RGS7: variants seen among roughly 807,000 people sequenced by gnomAD.
RGS7 encodes regulator of G-protein signaling 7.
RGS7 carries 27 observed loss-of-function variants against 81.1 expected under a neutral mutation model. The ratio of observed to expected loss-of-function variants is 0.33; its 90% CI spans 0.25 to 0.46. The LOEUF (loss-of-function observed/expected upper bound fraction) is 0.46. Ranked by LOEUF, RGS7 falls within the 20% of genes least tolerant of loss-of-function variation. The pLI is 1.00. For missense variants in RGS7, 396 were observed against 607.4 expected, an observed-to-expected ratio of 0.65 and a Z score of 3.66; for synonymous variants, 208 against 207.7, an observed-to-expected ratio of 1.00 and a Z score of -0.01.
chr1:241,303,424 T>C (rs1391612960), intron 2 of RGS7, among the ~76,000 whole-genome samples: 1 of 152,094 alleles, frequency 6.6e-6, no homozygotes, highest in African/African-American at 2.4e-5. Context: ...GAACTGTGAG[T>C]CAATTAAACC....
intron 2 of RGS7, among the ~76,000 whole-genome samples, chr1:241,161,709 T>C (rs2069690446): frequency 6.8e-6 from 1 of 147,202 alleles, no homozygotes; most frequent in Non-Finnish European, 1.5e-5. Flanking sequence ...TAATCATAAC[T>C]GTTTTATTGC....
At chr1:241,262,409 C>T (rs939287397) in intron 2 of RGS7, among the ~76,000 whole-genome samples, 16 of 152,190 alleles carry the variant, frequency 1.1e-4, no homozygotes, top group Admixed American at 1.0e-3. Flanking sequence ...ATATCCAAGG[C>T]AGCAACAGCT....
intron 2 of RGS7, among the ~76,000 whole-genome samples, chr1:241,291,141 C>T (rs915273488): frequency 3.3e-5 from 5 of 152,142 alleles, no homozygotes; most frequent in African/African-American, 4.8e-5. Context: ...CAAAGCCAGG[C>T]AGGATATACA....
intron 2 of RGS7, among the ~76,000 whole-genome samples, chr1:241,310,414 TGTGTGA>T (rs1193516814): frequency 6.7e-6 from 1 of 150,268 alleles, no homozygotes; most frequent in African/African-American, 2.5e-5. Context: ...TGTGTCTGTG[TGTGTGA>T]GAGTGTATGT....
intron 2 of RGS7, among the ~76,000 whole-genome samples, chr1:241,114,924 A>T (rs759021985): frequency 2.0e-5 from 3 of 152,308 alleles, no homozygotes; most frequent in African/African-American, 7.2e-5. Flanking sequence ...GCTGATCTTC[A>T]TTACAGATTG....
At chr1:240,977,075 T>C (rs1684222040) in intron 4 of RGS7, among the ~76,000 whole-genome samples, 1 of 144,770 alleles carries the variant, frequency 6.9e-6, no homozygotes. Flanking sequence ...TCATCTATCA[T>C]CTATCTATCC....
intron 2 of RGS7, among the ~76,000 whole-genome samples, chr1:241,200,805 C>T (rs970964229): frequency 1.3e-5 from 2 of 152,162 alleles, no homozygotes; most frequent in African/African-American, 4.8e-5. Context: ...TTCTGTTCTG[C>T]CCCCAACTCT....
Position 240,980,491 on chromosome 1 carries a change from T to C in RGS7, c.226+2588A>G, listed in dbSNP as rs568157154. On this transcript the variant is annotated intron_variant, in intron 4 of 18. Transcript: ENST00000440928. ...AGACAGAAACTAGGCATGGGTTTCTTTCTTATTTTAAAACATCTTCAGGGA... is the reference window on the plus strand; with the variant it reads ...AGACAGAAACTAGGCATGGGTTTCTCTCTTATTTTAAAACATCTTCAGGGA... Among the ~76,000 whole-genome samples, 9 of 152,314 alleles carry C rather than the reference T, an allele frequency of 5.9e-5. No individual in the cohort carries two copies. The South Asian group carries it at 1.9e-3, about 32-fold the overall frequency.
At chr1:241,054,298 G>A (rs146641938) in intron 3 of RGS7, among the ~76,000 whole-genome samples, 427 of 152,260 alleles carry the variant, frequency 2.8e-3, no homozygotes, top group Non-Finnish European at 4.5e-3. Flanking sequence ...ACTGAGAGAT[G>A]GCTTTGTCCA....
chr1:241,119,282 G>T (rs1264881072), intron 2 of RGS7, among the ~76,000 whole-genome samples: 1 of 152,128 alleles, frequency 6.6e-6, no homozygotes, highest in African/African-American at 2.4e-5. Flanking sequence ...AAGACAGCTG[G>T]ATTTTCACAT....
chr1:240,951,839 T>C (rs1679616142), intron 4 of RGS7, among the ~76,000 whole-genome samples: 1 of 152,050 alleles, frequency 6.6e-6, no homozygotes, highest in Non-Finnish European at 1.5e-5. Flanking sequence ...TCTACACATA[T>C]CTTATTCTAA....
chr1:241,077,633 T>C (rs1226162034), intron 3 of RGS7, among the ~76,000 whole-genome samples: 1 of 152,224 alleles, frequency 6.6e-6, no homozygotes, highest in East Asian at 1.9e-4. Flanking sequence ...CCTCCAGCGA[T>C]TGCTCTCTGT....
chr1:241,339,958 G>C (rs991587501), intron 2 of RGS7, among the ~76,000 whole-genome samples: 2 of 152,282 alleles, frequency 1.3e-5, no homozygotes, highest in East Asian at 1.9e-4. Flanking sequence ...AATTGACAGT[G>C]AGCTTTGAGT....
chr1:240,972,707 A>C (rs1362334444), intron 4 of RGS7, among the ~76,000 whole-genome samples: 5 of 38,094 alleles, frequency 1.3e-4, no homozygotes, highest in Non-Finnish European at 3.7e-4. Flanking sequence ...AAAAAAAAAA[A>C]AAACAAAAAA....
chr1:241,029,056 GA>G (rs1558619231), intron 3 of RGS7, among the ~76,000 whole-genome samples: 2 of 152,148 alleles, frequency 1.3e-5, no homozygotes, highest in East Asian at 3.9e-4. Context: ...TTGAAGAGGC[GA>G]AAATCAAAGG....
chr1:241,224,903 G>A (rs998437073), intron 2 of RGS7, among the ~76,000 whole-genome samples: 1 of 152,160 alleles, frequency 6.6e-6, no homozygotes, highest in Non-Finnish European at 1.5e-5. Context: ...TTGATTTGGA[G>A]ATGACCTAGA....
chr1:241,234,471 CTTTTTCTT>C lies in RGS7; in HGVS notation c.78+121220_78+121227del, dbSNP rs1242520191. On this transcript the variant is annotated intron_variant, in intron 2 of 18. Coordinates refer to ENST00000440928, the MANE Select transcript of RGS7 (RefSeq NM_001364886.1). ...AACAGCCAATGCATATCTTGTTTTT[CTTTTTCTT>C]TTTTTCTTTTTTTTTTTCTCCTTCT... Among the ~76,000 whole-genome samples, 5 of 151,194 alleles carry C rather than the reference CTTTTTCTT, an allele frequency of 3.3e-5. No individual in the cohort carries two copies. In the East Asian group the frequency reaches 9.6e-4, roughly 29 times the overall value.
intron 2 of RGS7, among the ~76,000 whole-genome samples, chr1:241,259,575 G>C (rs1247828103): frequency 6.7e-6 from 1 of 148,812 alleles, no homozygotes; most frequent in Non-Finnish European, 1.5e-5. Flanking sequence ...ACTAGAACCT[G>C]GGAGATGGAG....
Position 240,983,121 on chromosome 1 carries a change from T to C in RGS7, c.184A>G (p.Ile62Val). Reference sequence around the variant, plus strand: ...AAGTTCTTTATCAACCATTGAACAATGTCTGAACCTAGAAAAAGAAAAAAG... The same window carrying C: ...AAGTTCTTTATCAACCATTGAACAACGTCTGAACCTAGAAAAAGAAAAAAG... ...KIPSVFSGSD[I>V]VQWLIKNLTI... The change falls in exon 4 of 19, where the codon ATT becomes GTT. Residue 62 changes from isoleucine to valine, a missense_variant. By Grantham distance (29) the Ile-to-Val change is conservative. Coordinates refer to ENST00000440928, the MANE Select transcript of RGS7 (RefSeq NM_001364886.1). The C allele has an allele frequency of 2.6e-6, 4 of 1,516,468 alleles. No individual in the cohort carries two copies. The highest frequency in any genetic ancestry group is 3.6e-6 in the Non-Finnish European group (4 of 1,102,016). The allele number at this position is 1,516,468 out of a possible 1,614,324, so 93.9% of individuals were successfully genotyped here.
Sources: allele counts gnomAD v4.1 joint callset (sites outside exome capture counted in the v4.1 genomes callset), GRCh38; gene constraint gnomAD v4.1.1; transcripts MANE v1.5; gene names NCBI Gene and HGNC (gene_info 2026-07-23, HGNC 2026-07-21).